COG6: variants seen among roughly 807,000 people sequenced by gnomAD.
The protein encoded by COG6 is conserved oligomeric Golgi complex subunit 6.
A neutral mutation model predicts 88.8 loss-of-function variants in COG6; 74 were observed. The ratio of observed to expected loss-of-function variants is 0.83; its 90% confidence interval spans 0.69 to 1.01. COG6 has a LOEUF of 1.01. COG6 is among the 50% of genes least tolerant of loss of function. The pLI is 0.00. For missense variants in COG6, 800 were observed against 797.9 expected (o/e 1.00, Z -0.03); for synonymous variants, 286 against 278.7 (o/e 1.03, Z -0.26).
intron 2 of COG6, among the ~76,000 whole-genome samples, chr13:39,660,448 A>C (rs943103273): frequency 3.3e-5 from 5 of 152,218 alleles, no homozygotes; most frequent in African/African-American, 4.8e-5. Context: ...ATACATGTCA[A>C]AAGGACTTTG....
chr13:39,760,177 G>A (rs1449621895), intron 18 of COG6, among the ~76,000 whole-genome samples: 1 of 152,106 alleles, frequency 6.6e-6, no homozygotes, highest in Middle Eastern at 3.2e-3. Context: ...AGATTGCCCC[G>A]AGTCTTTCTG....
intron 13 of COG6, among the ~76,000 whole-genome samples, chr13:39,708,007 G>A (rs1476689805): frequency 6.6e-6 from 1 of 152,000 alleles, no homozygotes; most frequent in East Asian, 1.9e-4. Context: ...CAGAAATGTG[G>A]GAGTTTCAGT....
chr13:39,754,907 G>C (rs1880784863), downstream of COG6, among the ~76,000 whole-genome samples: 1 of 152,148 alleles, frequency 6.6e-6, no homozygotes, highest in Admixed American at 6.6e-5. Context: ...GATGTCCTTG[G>C]TATAAGAGGT....
At chr13:39,687,370 G>C (rs1011774774) in intron 8 of COG6, 133 bp from the exon 9 acceptor site, 3 of 797,016 alleles carry the variant, frequency 3.8e-6, no homozygotes, top group South Asian at 1.5e-5. Context: ...TGAAAGCAAT[G>C]TTGCTTGACC....
intron 18 of COG6, among the ~76,000 whole-genome samples, chr13:39,737,456 A>G (rs1879823785): frequency 6.6e-6 from 1 of 151,192 alleles, no homozygotes; most frequent in Non-Finnish European, 1.5e-5. Context: ...TCTGGGATGC[A>G]GGGCCTGGAG....
chr13:39,751,226 AAT>A lies in COG6; in HGVS notation c.*134_*135del. The A allele has an allele frequency of 6.6e-7, 1 of 1,512,430 alleles. No individual in the cohort carries two copies. The highest frequency in any genetic ancestry group is 8.8e-7 in the Non-Finnish European group (1 of 1,134,264). 93.7% of individuals were successfully genotyped at this position (1,512,430 alleles called of 1,614,324 possible). A position where few individuals can be genotyped will look rare whatever the true frequency, so the allele number is the denominator to read the frequency against. On this transcript the variant is annotated 3_prime_UTR_variant, in exon 19 of 19. Coordinates refer to ENST00000455146, the MANE Select transcript of COG6 (RefSeq NM_020751.3). ...GTATCATAAGATTGTAAGTCCCGATAATTTTTTTTTTTTTGGTCTCAGTAACA... is the reference window on the plus strand; with the variant it reads ...GTATCATAAGATTGTAAGTCCCGATATTTTTTTTTTTTGGTCTCAGTAACA...
intron 18 of COG6, among the ~76,000 whole-genome samples, chr13:39,767,729 A>G (rs1453820189): frequency 6.6e-6 from 1 of 152,176 alleles, no homozygotes; most frequent in Non-Finnish European, 1.5e-5. Flanking sequence ...TCACCCCTGC[A>G]GTCATGTTCC....
intron 18 of COG6, among the ~76,000 whole-genome samples, chr13:39,781,039 T>A (rs971604132): frequency 3.7e-4 from 57 of 152,328 alleles, no homozygotes; most frequent in African/African-American, 1.3e-3. Context: ...TTCTGAATTC[T>A]TTTTTCTCCA....
At chr13:39,784,831 G>A (rs1881726134) in intron 18 of COG6, among the ~76,000 whole-genome samples, 1 of 152,230 alleles carries the variant, frequency 6.6e-6, no homozygotes, top group Non-Finnish European at 1.5e-5. Flanking sequence ...GAGTATGGGT[G>A]CTGAGATGAG....
chr13:39,688,152 T>G (rs1308300477), intron 10 of COG6, among the ~76,000 whole-genome samples: 2 of 152,202 alleles, frequency 1.3e-5, no homozygotes, highest in African/African-American at 4.8e-5. Context: ...TTATCTTAAT[T>G]TTATCTGTGT....
chr13:39,728,348 T>C (rs1879250040), intron 18 of COG6, among the ~76,000 whole-genome samples: 1 of 152,078 alleles, frequency 6.6e-6, no homozygotes, highest in African/African-American at 2.4e-5. Context: ...GTTATAGAGG[T>C]GATATACTTA....
At chr13:39,765,438 A>G (rs956021662) in intron 18 of COG6, among the ~76,000 whole-genome samples, 1 of 152,226 alleles carries the variant, frequency 6.6e-6, no homozygotes, top group Non-Finnish European at 1.5e-5. Flanking sequence ...GAATACTAGC[A>G]TATGACTTTA....
chr13:39,759,932 T>C (rs1451921690), intron 18 of COG6, among the ~76,000 whole-genome samples: 4 of 152,178 alleles, frequency 2.6e-5, no homozygotes, highest in Non-Finnish European at 5.9e-5. Flanking sequence ...GTATATAGCA[T>C]CTTTTGGCAA....
At chr13:39,698,338 A>G (rs1877389896) in intron 12 of COG6, among the ~76,000 whole-genome samples, 1 of 151,964 alleles carries the variant, frequency 6.6e-6, no homozygotes, top group South Asian at 2.1e-4. Flanking sequence ...ATGTGTGGGA[A>G]TTCTATCCAG....
At position 39,689,833 on chromosome 13, in the gene COG6, T is replaced by G. The variant is rs1223609073; in HGVS notation, c.1074+9T>G. The G allele has an allele frequency of 6.3e-7, 1 of 1,597,948 alleles. No homozygotes were observed. The highest frequency in any genetic ancestry group is 8.6e-7 in the Non-Finnish European group (1 of 1,166,512). On this transcript the variant is annotated intron_variant, in intron 11 of 18. Coordinates refer to ENST00000455146, the MANE Select transcript of COG6 (RefSeq NM_020751.3). ...TGTGCAGGCCTCTAAAGGTAAAATA[T>G]TTTGTTTTTACATATGCTATATGGT...
chr13:39,723,841 A>T (rs1230324385), intron 16 of COG6, among the ~76,000 whole-genome samples: 1 of 152,084 alleles, frequency 6.6e-6, no homozygotes, highest in Admixed American at 6.6e-5. Flanking sequence ...GAATGCATAG[A>T]TTACTGTATA....
Position 39,699,491 on chromosome 13 carries a change from T to C in COG6, c.1167-10T>C, listed in dbSNP as rs1039077969. ...TCTGTTTTGCAACCTGAAATATTCT[T>C]TGCTTTTAGTGGTATTGTTGGAAAT... On this transcript the variant is annotated splice_polypyrimidine_tract_variant and intron_variant, in intron 12 of 18. Transcript: ENST00000455146. The C allele has an allele frequency of 7.5e-7, 1 of 1,340,952 alleles. No individual in the cohort carries two copies. Among genetic ancestry groups the C allele is most frequent in the African/African-American group, 1.4e-5 (1 of 69,734 alleles). The allele number at this position is 1,340,952 out of a possible 1,614,324, so 83.1% of individuals were successfully genotyped here.
At position 39,723,356 on chromosome 13, in the gene COG6, T is replaced by C; in HGVS notation, c.1608T>C (p.Leu536=). The change falls in exon 16 of 19, where the codon CTT becomes CTC. Residue 536 remains leucine, a synonymous_variant. Coordinates refer to ENST00000455146, the MANE Select transcript of COG6 (RefSeq NM_020751.3). ...QFQIEAHLDT[L]INEQASYVLT... is the part of the protein sequence containing the mutation. ...AGATCGAAGCACATTTGGACACACT[T>C]ATAAATGAGCAAGCCTCTTATGTTT... The C allele has an allele frequency of 6.2e-7, 1 of 1,609,726 alleles. No homozygotes were observed. Among genetic ancestry groups the C allele is most frequent in the Non-Finnish European group, 8.5e-7 (1 of 1,176,296 alleles).
chr13:39,691,294 T>G (rs556106742), intron 11 of COG6, among the ~76,000 whole-genome samples: 2 of 152,048 alleles, frequency 1.3e-5, no homozygotes, highest in African/African-American at 4.8e-5. Flanking sequence ...CTTTATATAC[T>G]GAAGTCTGCC....
Sources: allele counts gnomAD v4.1 joint callset (sites outside exome capture counted in the v4.1 genomes callset), GRCh38; gene constraint gnomAD v4.1.1; transcripts MANE v1.5; gene names NCBI Gene and HGNC (gene_info 2026-07-23, HGNC 2026-07-21).